The following SEC14L3 variants were observed in gnomAD, a reference collection of about 807,000 sequenced individuals.
SEC14L3 encodes the protein SEC14-like protein 3.
SEC14L3 carries 56 observed loss-of-function variants against 57.4 expected under a neutral mutation model. The observed-to-expected ratio is 0.97, with a 90% confidence interval of 0.79 to 1.22. The LOEUF (loss-of-function observed/expected upper bound fraction) is 1.22. Among genes scored for constraint, SEC14L3 ranks in the 50% most tolerant of loss-of-function variants. SEC14L3 has a pLI of 0.00. For synonymous variants in SEC14L3, 173 were observed against 194.4 expected (o/e 0.89, Z 0.92); for missense variants, 485 against 511.7 (o/e 0.95, Z 0.50).
chr22:30,470,488 C>T lies in SEC14L3; in HGVS notation c.130+19G>A. ...TCTTGATGCCCCCTGATCCCAACCT[C>T]TCCCACCTCTGCCCTCACCTCGGAG... On this transcript the variant is annotated intron_variant, in intron 2 of 11. Coordinates refer to ENST00000215812, the MANE Select transcript of SEC14L3 (RefSeq NM_174975.5). The T allele has an allele frequency of 6.2e-7, 1 of 1,613,986 alleles. No homozygotes were observed. The highest frequency in any genetic ancestry group is 8.5e-7 in the Non-Finnish European group (1 of 1,180,016).
At chr22:30,462,270 T>C in intron 8 of SEC14L3, 78 bp from the exon 9 acceptor site, 1 of 1,508,394 alleles carries the variant, frequency 6.6e-7, no homozygotes, top group Non-Finnish European at 8.9e-7. Flanking sequence ...CAGGATGACC[T>C]GAACTGGGGG....
intron 12 of SEC14L3, among the ~76,000 whole-genome samples, chr22:30,452,246 CTTTTT>C (rs750537241): frequency 4.2e-4 from 38 of 90,020 alleles, no homozygotes; most frequent in African/African-American, 1.3e-3. Flanking sequence ...TTCTTTCTTT[CTTTTT>C]TTTTTTTTTT....
At chr22:30,451,558 T>C (rs961187454) in intron 12 of SEC14L3, among the ~76,000 whole-genome samples, 2 of 152,164 alleles carry the variant, frequency 1.3e-5, no homozygotes, top group Non-Finnish European at 1.5e-5. Context: ...AAGAACTTGC[T>C]GAAAAGCTGA....
At chr22:30,455,118 T>A (rs187176903), downstream of SEC14L3, among the ~76,000 whole-genome samples, 58 of 46,008 alleles carry the variant, frequency 1.3e-3, 1 homozygote, top group Middle Eastern at 0.013. Flanking sequence ...TATTTAATAT[T>A]TAATATATAT....
chr22:30,449,885 A>G (rs1440309730), intron 12 of SEC14L3, among the ~76,000 whole-genome samples: 1 of 151,958 alleles, frequency 6.6e-6, no homozygotes, highest in Non-Finnish European at 1.5e-5. Context: ...CCTGTTGTAA[A>G]TCAGCGCTGT....
Position 30,468,151 on chromosome 22 carries a change from C to T in SEC14L3, c.423+357G>A, listed in dbSNP as rs989822186. ...AAAATTAGCCCTGCGTGGTGGCGGG[C>T]GCCTGTAATCCCAGCTACTCAGGAG... is the stretch of plus-strand genomic sequence containing the variant. On this transcript the variant is annotated intron_variant, in intron 5 of 11. Transcript: ENST00000215812. Among the ~76,000 whole-genome samples, 6 of 151,926 alleles carry T rather than the reference C, an allele frequency of 3.9e-5. 1 individual carries two copies. The highest frequency in any genetic ancestry group is 2.1e-4 in the South Asian group (1 of 4,806).
intron 8 of SEC14L3, among the ~76,000 whole-genome samples, chr22:30,463,341 C>T (rs760957820): frequency 2.6e-5 from 4 of 152,212 alleles, no homozygotes; most frequent in Non-Finnish European, 4.4e-5. Context: ...CCAGGCTACC[C>T]GGTCCCCCAA....
chr22:30,458,965 A>G (rs1168457638), downstream of SEC14L3, among the ~76,000 whole-genome samples: 2 of 152,182 alleles, frequency 1.3e-5, no homozygotes, highest in African/African-American at 2.4e-5. Context: ...TGATTGTACC[A>G]CTGCACTCCA....
exon 13 of SEC14L3, chr22:30,448,928 C>G (rs1934928995): frequency 3.1e-6 from 2 of 640,954 alleles, no homozygotes; most frequent in Non-Finnish European, 5.3e-6. Context: ...AACTTCTTTC[C>G]CTTCCTTGGT....
At chr22:30,455,082 A>AC (rs1569225573), downstream of SEC14L3, among the ~76,000 whole-genome samples, 1 of 36,520 alleles carries the variant, frequency 2.7e-5, no homozygotes. Context: ...ATAATATATT[A>AC]AATATTTAAT....
rs767945246 is a variant in SEC14L3 at position 30,468,547 on chromosome 22, A to G, written c.384T>C (p.Cys128=). 5.0e-6 allele frequency: 8 copies of G among 1,613,730 alleles called. No individual in the cohort carries two copies. The highest frequency in any genetic ancestry group is 6.8e-6 in the Non-Finnish European group (8 of 1,179,950). Residue 128 remains cysteine (C), a synonymous_variant, in exon 5 of 12, where the codon TGT becomes TGC. Coordinates refer to ENST00000215812, the MANE Select transcript of SEC14L3 (RefSeq NM_174975.5). ...QDLLKTKMRD[C]ERILHECDLQ... is the part of the protein sequence containing the mutation. The stretch of plus-strand genomic sequence containing the variant: ...GGTCACACTCATGCAGGATGCGCTC[A>G]CAGTCCCTCATCTTGGTCTTGAGCA...
chr22:30,471,504 G>A (rs1014711005), intron 1 of SEC14L3, among the ~76,000 whole-genome samples: 4 of 152,146 alleles, frequency 2.6e-5, no homozygotes, highest in Non-Finnish European at 5.9e-5. Flanking sequence ...GGCTTTTACA[G>A]ACTGGTCATC....
rs1308594255 is a variant in SEC14L3, at chr22:30,459,934, A to G, written c.*87T>C. 2.6e-6 allele frequency: 4 copies of G among 1,540,470 alleles called. No individual in the cohort carries two copies. Among genetic ancestry groups the G allele is most frequent in the African/African-American group, 2.7e-5 (2 of 73,128 alleles). ...CTAACGTCACAGAGTCAGGAGGACT[A>G]ACAATCAATTTCAGGGAGGGAGGGA... On this transcript the variant is annotated 3_prime_UTR_variant, in exon 12 of 12. Transcript: ENST00000215812.
chr22:30,468,425 G>T, intron 5 of SEC14L3, 83 bp downstream of exon 5: 2 of 1,019,928 alleles, frequency 2.0e-6, no homozygotes, highest in African/African-American at 1.6e-5. Flanking sequence ...TGGTTGTAGA[G>T]AACACAGGTG....
At chr22:30,466,776 C>T (rs757663) in intron 6 of SEC14L3, among the ~76,000 whole-genome samples, 106,963 of 151,880 alleles carry the variant, frequency 0.7, 38,665 homozygotes, top group African/African-American at 0.86. Flanking sequence ...GAAGCTGGAA[C>T]GTGTGGTCTC....
chr22:30,457,686 CTT>C (rs61332192), downstream of SEC14L3, among the ~76,000 whole-genome samples: 552 of 145,934 alleles, frequency 3.8e-3, 1 homozygote, highest in East Asian at 0.012. Context: ...CCTGGCCATG[CTT>C]TTTTTTTTTT....
exon 13 of SEC14L3, chr22:30,448,835 T>C: frequency 4.9e-6 from 2 of 408,024 alleles, no homozygotes; most frequent in Non-Finnish European, 8.8e-6. Flanking sequence ...AAGGTTGCAG[T>C]GAGCTATGAT....
intron 7 of SEC14L3, 92 bp downstream of exon 7, chr22:30,466,242 C>A: frequency 8.6e-6 from 11 of 1,273,750 alleles, no homozygotes; most frequent in Non-Finnish European, 1.2e-5. Flanking sequence ...CAACCTGCCT[C>A]ACAACAATCC....
At chr22:30,464,486 A>C (rs1935354953) in intron 8 of SEC14L3, among the ~76,000 whole-genome samples, 1 of 152,176 alleles carries the variant, frequency 6.6e-6, no homozygotes, top group Non-Finnish European at 1.5e-5. Flanking sequence ...GCTGGAGTGC[A>C]GTGGTGTGAA....
Sources: gnomAD v4.1 joint callset for allele counts (sites outside exome capture counted in the v4.1 genomes callset) on GRCh38, gnomAD v4.1.1 for gene constraint, MANE v1.5 for transcripts, NCBI Gene and HGNC (gene_info 2026-07-23, HGNC 2026-07-21) for gene names.